ENOX1: variants seen among roughly 807,000 people sequenced by gnomAD.
ENOX1 encodes ecto-NOX disulfide-thiol exchanger 1, also known as candidate growth-related and time keeping constitutive hydroquinone (NADH) oxidase.
Under a neutral mutation model 82.5 loss-of-function variants are expected in ENOX1, and 42 were observed. The ratio of observed to expected loss-of-function variants is 0.51; its 90% CI spans 0.40 to 0.66. The LOEUF (loss-of-function observed/expected upper bound fraction) is 0.66. Among genes scored for constraint, ENOX1 ranks in the 30% least tolerant of loss-of-function variants. ENOX1 has a pLI of 0.00. For missense variants in ENOX1, 608 were observed against 811.6 expected, an observed-to-expected ratio of 0.75 and a Z score of 3.05; for synonymous variants, 271 against 282.2, an observed-to-expected ratio of 0.96 and a Z score of 0.40.
intron 15 of ENOX1, among the ~76,000 whole-genome samples, chr13:43,227,975 C>A (rs1030347838): frequency 6.6e-6 from 1 of 152,100 alleles, no homozygotes; most frequent in Non-Finnish European, 1.5e-5. Flanking sequence ...TCTGTCCATC[C>A]CTGTAGCACC....
At chr13:43,548,717 T>C (rs2079069189) in intron 2 of ENOX1, among the ~76,000 whole-genome samples, 1 of 152,178 alleles carries the variant, frequency 6.6e-6, no homozygotes, top group African/African-American at 2.4e-5. Flanking sequence ...CCTACAGATG[T>C]ACCACTTGGA....
intron 2 of ENOX1, among the ~76,000 whole-genome samples, chr13:43,617,582 C>T (rs1594120718): frequency 6.6e-6 from 1 of 152,136 alleles, no homozygotes; most frequent in East Asian, 1.9e-4. Flanking sequence ...GCATAGTATT[C>T]CATGGTTTAT....
intron 3 of ENOX1, among the ~76,000 whole-genome samples, chr13:43,413,830 A>T (rs1324589859): frequency 3.3e-5 from 5 of 151,368 alleles, no homozygotes; most frequent in Non-Finnish European, 2.9e-5. Context: ...ATAAAATGCT[A>T]TGCCTTCTCT....
At chr13:43,646,685 G>A (rs2083908821) in intron 2 of ENOX1, among the ~76,000 whole-genome samples, 2 of 152,136 alleles carry the variant, frequency 1.3e-5, no homozygotes, top group Admixed American at 1.3e-4. Context: ...TCTCACAGAG[G>A]ATATGGGAAG....
intron 5 of ENOX1, among the ~76,000 whole-genome samples, chr13:43,385,056 C>T (rs2052321918): frequency 6.6e-6 from 1 of 152,166 alleles, no homozygotes; most frequent in Admixed American, 6.5e-5. Flanking sequence ...AGGACTGTGG[C>T]ACTGGGATCT....
At chr13:43,346,854 T>C (rs4941458) in intron 8 of ENOX1, among the ~76,000 whole-genome samples, 15,429 of 132,724 alleles carry the variant, frequency 0.12, 1,079 homozygotes, top group East Asian at 0.3. Context: ...GAAATAAACC[T>C]AATGCTTAGA....
At chr13:43,249,086 G>T (rs927680812) in intron 14 of ENOX1, among the ~76,000 whole-genome samples, 2 of 151,930 alleles carry the variant, frequency 1.3e-5, no homozygotes, top group Non-Finnish European at 2.9e-5. Context: ...TTAAATTGTG[G>T]TCTCAAGCTG....
intron 2 of ENOX1, among the ~76,000 whole-genome samples, chr13:43,663,342 T>C (rs937341043): frequency 6.6e-6 from 1 of 152,180 alleles, no homozygotes; most frequent in Non-Finnish European, 1.5e-5. Context: ...CTTCACACTT[T>C]ATGCTCCAGC....
At chr13:43,339,572 A>G (rs796511746) in intron 9 of ENOX1, among the ~76,000 whole-genome samples, 16 of 152,316 alleles carry the variant, frequency 1.1e-4, no homozygotes, top group South Asian at 4.1e-4. Flanking sequence ...CAGTTTGCCA[A>G]TACACCTGCT....
At position 43,345,480 on chromosome 13, in the gene ENOX1, T is replaced by C. The variant is rs201283044; in HGVS notation, c.824-730A>G. Reference sequence around the variant, plus strand: ...GTATGTGCATGGTGTGGCGGGGGGATAGGAAGTGGGAAATGAAGTTCCGCC... The same window carrying C: ...GTATGTGCATGGTGTGGCGGGGGGACAGGAAGTGGGAAATGAAGTTCCGCC... On this transcript the variant is annotated intron_variant, in intron 8 of 16. Transcript: ENST00000690772. 2.0e-4 allele frequency among the ~76,000 whole-genome samples: 29 copies of C among 146,176 alleles called. No individual in the cohort carries two copies. The East Asian group carries it at 7.2e-3, about 36-fold the overall frequency.
chr13:43,481,300 C>T (rs2058498838), intron 3 of ENOX1, among the ~76,000 whole-genome samples: 1 of 151,932 alleles, frequency 6.6e-6, no homozygotes, highest in Admixed American at 6.6e-5. Flanking sequence ...ATGGTACTGA[C>T]ATAAAGGCAG....
chr13:43,268,799 G>C (rs1299863030), intron 13 of ENOX1, among the ~76,000 whole-genome samples: 1 of 152,126 alleles, frequency 6.6e-6, no homozygotes, highest in African/African-American at 2.4e-5. Context: ...GCAAGTGAAG[G>C]CCAGAAATAG....
intron 1 of ENOX1, among the ~76,000 whole-genome samples, chr13:43,672,730 AC>A (rs2085327162): frequency 6.6e-6 from 1 of 152,160 alleles, no homozygotes; most frequent in African/African-American, 2.4e-5. Context: ...AAATGTTCTA[AC>A]CTTTTCCTCT....
At chr13:43,479,945 T>TA (rs773764957) in intron 3 of ENOX1, among the ~76,000 whole-genome samples, 13,299 of 151,782 alleles carry the variant, frequency 0.088, 665 homozygotes, top group East Asian at 0.17. Flanking sequence ...TTTTATTTTT[T>TA]TTTTTTTGAG....
At chr13:43,783,773 C>A (rs142815960) in intron 1 of ENOX1, among the ~76,000 whole-genome samples, 2 of 151,996 alleles carry the variant, frequency 1.3e-5, no homozygotes, top group African/African-American at 4.8e-5. Flanking sequence ...CTTAAGAGGG[C>A]AATTGAAGTT....
At chr13:43,552,725 A>C (rs1179957134) in intron 2 of ENOX1, among the ~76,000 whole-genome samples, 1 of 152,192 alleles carries the variant, frequency 6.6e-6, no homozygotes, top group Non-Finnish European at 1.5e-5. Context: ...CTGACTACCC[A>C]AAAAGAACTA....
At chr13:43,681,091 C>T (rs571415923) in intron 1 of ENOX1, among the ~76,000 whole-genome samples, 6 of 152,240 alleles carry the variant, frequency 3.9e-5, no homozygotes, top group African/African-American at 1.4e-4. Flanking sequence ...TGCAGCCCTG[C>T]CCTGCCCCTT....
chr13:43,547,524 A>T (rs753819251), intron 2 of ENOX1: 1 of 152,246 alleles, frequency 6.6e-6, no homozygotes, highest in Non-Finnish European at 1.5e-5. Flanking sequence ...AAAGACATCA[A>T]AGAGAAAGAT....
At chr13:43,387,285 T>A (rs948932193) in intron 5 of ENOX1, among the ~76,000 whole-genome samples, 1 of 152,118 alleles carries the variant, frequency 6.6e-6, no homozygotes, top group Non-Finnish European at 1.5e-5. Context: ...GCCGTTTGAT[T>A]GGTTAAGATG....
Sources: allele counts gnomAD v4.1 joint callset (sites outside exome capture counted in the v4.1 genomes callset), GRCh38; gene constraint gnomAD v4.1.1; transcripts MANE v1.5; gene names NCBI Gene and HGNC (gene_info 2026-07-23, HGNC 2026-07-21).